Variants in MORC1 observed in about 807,000 individuals in gnomAD.
MORC1 encodes the protein MORC family CW-type zinc finger protein 1.
A neutral mutation model predicts 134.9 loss-of-function variants in MORC1; 59 were observed. The ratio of observed to expected loss-of-function variants is 0.44; its 90% confidence interval spans 0.35 to 0.54. MORC1 has a LOEUF of 0.54. Ranked by LOEUF, MORC1 falls within the 20% of genes least tolerant of loss-of-function variation. The probability of loss-of-function intolerance (pLI) is 0.00; values close to 1 mark genes in which losing one functional copy is unlikely to be tolerated. For missense variants in MORC1, 947 were observed against 1,134.5 expected (o/e 0.83, Z 2.37); for synonymous variants, 395 against 391.7 (o/e 1.01, Z -0.10).
At chr3:108,973,662 T>C (rs1012346018) in intron 24 of MORC1, among the ~76,000 whole-genome samples, 1 of 149,444 alleles carries the variant, frequency 6.7e-6, no homozygotes, top group Non-Finnish European at 1.5e-5. Context: ...TGGTGCGTGA[T>C]CTCAGCTCAC....
intron 14 of MORC1, among the ~76,000 whole-genome samples, chr3:109,040,391 A>AG (rs777010187): frequency 4.9e-4 from 37 of 75,732 alleles, no homozygotes; most frequent in East Asian, 2.9e-3. Flanking sequence ...AGAAAGAAAG[A>AG]AAGAAAGAAA....
intron 8 of MORC1, among the ~76,000 whole-genome samples, chr3:109,083,961 C>G (rs1043972130): frequency 6.6e-6 from 1 of 151,982 alleles, no homozygotes; most frequent in Admixed American, 6.6e-5. Flanking sequence ...ATTCCACATC[C>G]CTTTATGATA....
intron 1 of MORC1, 41 bp from the exon 2 acceptor site, chr3:109,114,478 TG>T: frequency 6.5e-7 from 1 of 1,545,356 alleles, no homozygotes; most frequent in Admixed American, 1.7e-5. Context: ...TTAAACCAGG[TG>T]TGTAATCAAT....
chr3:109,100,393 T>A, intron 5 of MORC1, 24 bp downstream of exon 5: 1 of 1,536,354 alleles, frequency 6.5e-7, no homozygotes, highest in Non-Finnish European at 9.0e-7. Context: ...ATAATATATG[T>A]CTTAAGGGAA....
chr3:109,002,360 G>A (rs747276418), intron 20 of MORC1, among the ~76,000 whole-genome samples: 2 of 152,134 alleles, frequency 1.3e-5, no homozygotes, highest in South Asian at 4.1e-4. Flanking sequence ...CCATGGCCCA[G>A]CAGCCTCCTC....
chr3:108,992,008 C>T (rs1032625338), intron 21 of MORC1, among the ~76,000 whole-genome samples: 1 of 152,110 alleles, frequency 6.6e-6, no homozygotes, highest in Non-Finnish European at 1.5e-5. Context: ...TTTTTACAGT[C>T]CAAGCCATTA....
chr3:108,991,172 T>C (rs1184619106), intron 21 of MORC1, among the ~76,000 whole-genome samples: 1 of 152,216 alleles, frequency 6.6e-6, no homozygotes, highest in African/African-American at 2.4e-5. Context: ...GCAGAAGCCA[T>C]GGAAGTGTTC....
At position 108,982,592 on chromosome 3, in the gene MORC1, C is replaced by G. The variant is rs546501551; in HGVS notation, c.2324+2124G>C. Among the ~76,000 whole-genome samples the G allele has an allele frequency of 8.0e-3, 954 of 118,920 alleles. 17 individuals carry two copies. The highest frequency in any genetic ancestry group is 0.031 in the African/African-American group (881 of 28,464). The allele number at this position is 118,920 out of a possible 152,430, so 78.0% of individuals were successfully genotyped here. On this transcript the variant is annotated intron_variant, in intron 23 of 27. Transcript: ENST00000232603. ...GGGACCTGTCGTGGGATGGGGGGGG[C>G]AGGGGGAGGGATAGCATTAGGAGAA...
rs369776043 is a variant in MORC1 at position 108,986,879 on chromosome 3, C to A, written c.2257+1G>T. The A allele has an allele frequency of 6.7e-7, 1 of 1,485,698 alleles. No individual in the cohort carries two copies. Among genetic ancestry groups the A allele is most frequent in the Non-Finnish European group, 9.1e-7 (1 of 1,097,854 alleles). The allele number at this position is 1,485,698 out of a possible 1,614,324, so 92.0% of individuals were successfully genotyped here. A position where few individuals can be genotyped will look rare whatever the true frequency, so the allele number is the denominator to read the frequency against. ...ATATACATGAGCTGATTTTTTTTTA[C>A]CTTGGTTTAAAAGAGGAATTTCCTT... is the stretch of plus-strand genomic sequence containing the variant. On this transcript the variant is annotated splice_donor_variant, in intron 22 of 27. Coordinates refer to ENST00000232603, the MANE Select transcript of MORC1 (RefSeq NM_014429.4). LOFTEE classifies it high-confidence loss of function.
intron 4 of MORC1, among the ~76,000 whole-genome samples, chr3:109,101,722 C>T (rs1950929416): frequency 6.6e-6 from 1 of 152,232 alleles, no homozygotes; most frequent in South Asian, 2.1e-4. Context: ...TTTATACTTA[C>T]ATGCACAGCT....
intron 27 of MORC1, among the ~76,000 whole-genome samples, chr3:108,960,221 C>T (rs182812039): frequency 1.3e-5 from 2 of 152,198 alleles, no homozygotes; most frequent in African/African-American, 2.4e-5. Context: ...CAGAAACAAT[C>T]GCCAACACCA....
chr3:109,044,646 TAAAA>T (rs1239842232), intron 14 of MORC1, among the ~76,000 whole-genome samples: 1 of 151,576 alleles, frequency 6.6e-6, no homozygotes, highest in African/African-American at 2.4e-5. Context: ...TTTTGCCTCT[TAAAA>T]ATAAGAGAAA....
At chr3:108,961,553 G>A (rs1166152808) in intron 27 of MORC1, among the ~76,000 whole-genome samples, 2 of 152,102 alleles carry the variant, frequency 1.3e-5, no homozygotes, top group African/African-American at 4.8e-5. Context: ...CCCTCATCTC[G>A]ATTCTCTGCT....
In MORC1 at chr3:109,047,248, A is replaced by G. The variant is rs145189134; in HGVS notation, c.1330+7480T>C. Among the ~76,000 whole-genome samples, 780 of 152,288 alleles carry G rather than the reference A, an allele frequency of 5.1e-3. 18 individuals carry two copies. The highest frequency in any genetic ancestry group is 0.018 in the African/African-American group (749 of 41,562). On this transcript the variant is annotated intron_variant, in intron 14 of 27. Transcript: ENST00000232603. ...CATTAAATATAACTTACTCTTCTTAAGCAGGCTGATGAGGAGAGTTTTGAG... is the reference window on the plus strand; with the variant it reads ...CATTAAATATAACTTACTCTTCTTAGGCAGGCTGATGAGGAGAGTTTTGAG...
intron 14 of MORC1, among the ~76,000 whole-genome samples, chr3:109,037,391 G>C (rs780254782): frequency 2.0e-5 from 3 of 152,112 alleles, no homozygotes; most frequent in African/African-American, 4.8e-5. Context: ...CTACTCCCTG[G>C]TATCTAGAAG....
intron 14 of MORC1, among the ~76,000 whole-genome samples, chr3:109,039,693 A>T (rs1289626866): frequency 6.6e-6 from 1 of 152,146 alleles, no homozygotes; most frequent in African/African-American, 2.4e-5. Flanking sequence ...GCTTGCTGAA[A>T]TTAGGGTGGG....
chr3:109,107,646 T>C (rs1293013740), intron 3 of MORC1, among the ~76,000 whole-genome samples: 1 of 152,196 alleles, frequency 6.6e-6, no homozygotes, highest in East Asian at 1.9e-4. Context: ...GAGGCCACAG[T>C]AAATAATCTG....
intron 22 of MORC1, 92 bp from the exon 23 acceptor site, chr3:108,984,874 T>A: frequency 1.1e-6 from 1 of 871,030 alleles, no homozygotes; most frequent in Non-Finnish European, 1.8e-6. Flanking sequence ...ACTACCTCTG[T>A]ATAATATGGA....
At chr3:109,021,356 C>T (rs1559898398) in intron 17 of MORC1, among the ~76,000 whole-genome samples, 1 of 152,196 alleles carries the variant, frequency 6.6e-6, no homozygotes, top group Non-Finnish European at 1.5e-5. Context: ...TCAGGCAACA[C>T]ATCTGAACCT....
Sources: gnomAD v4.1 joint callset for allele counts (sites outside exome capture counted in the v4.1 genomes callset) on GRCh38, gnomAD v4.1.1 for gene constraint, MANE v1.5 for transcripts, NCBI Gene and HGNC (gene_info 2026-07-23, HGNC 2026-07-21) for gene names.